The following STK3 variants were observed in gnomAD, a reference collection of about 807,000 sequenced individuals.
STK3 encodes the protein serine/threonine kinase 3, also known as serine/threonine-protein kinase 3.
A neutral mutation model predicts 58.0 loss-of-function variants in STK3; 41 were observed. That is an observed-to-expected ratio of 0.71 (90% CI 0.55 to 0.92). The LOEUF is 0.92. STK3 is among the 40% of genes least tolerant of loss of function. STK3 has a pLI of 0.00. For synonymous variants in STK3, 170 were observed against 191.0 expected, an observed-to-expected ratio of 0.89 and a Z score of 0.91; for missense variants, 479 against 602.7, an observed-to-expected ratio of 0.79 and a Z score of 2.15.
At chr8:98,499,630 T>C (rs1823416355) in intron 10 of STK3, among the ~76,000 whole-genome samples, 1 of 152,156 alleles carries the variant, frequency 6.6e-6, no homozygotes. Flanking sequence ...ACATATATCA[T>C]CATAAGCAGA....
intron 10 of STK3, among the ~76,000 whole-genome samples, chr8:98,517,946 G>C (rs1369297067): frequency 2.0e-5 from 3 of 152,046 alleles, no homozygotes; most frequent in Non-Finnish European, 4.4e-5. Flanking sequence ...AACTTCCTTA[G>C]ACATCAACAT....
At chr8:98,675,282 T>C (rs1415176106) in intron 6 of STK3, among the ~76,000 whole-genome samples, 1 of 152,228 alleles carries the variant, frequency 6.6e-6, no homozygotes, top group Admixed American at 6.5e-5. Context: ...ATTAAAAATA[T>C]ACATGTTATC....
intron 3 of STK3, among the ~76,000 whole-genome samples, chr8:98,766,659 C>G (rs981472567): frequency 6.6e-6 from 1 of 152,170 alleles, no homozygotes; most frequent in Admixed American, 6.5e-5. Flanking sequence ...CCTTTACCCT[C>G]GATGCTCTGG....
intron 10 of STK3, among the ~76,000 whole-genome samples, chr8:98,464,883 G>T (rs1820344597): frequency 6.6e-6 from 1 of 152,074 alleles, no homozygotes; most frequent in Admixed American, 6.6e-5. Context: ...TATTTATCCT[G>T]TTCTGAGCTG....
intron 10 of STK3, among the ~76,000 whole-genome samples, chr8:98,492,722 A>T (rs1301210388): frequency 6.6e-6 from 1 of 152,042 alleles, no homozygotes; most frequent in Non-Finnish European, 1.5e-5. Flanking sequence ...AGAGGGGAGT[A>T]ATTATCAGGT....
intron 1 of STK3, among the ~76,000 whole-genome samples, chr8:98,821,138 G>T: frequency 6.6e-6 from 1 of 152,158 alleles, no homozygotes. Context: ...CACAGCAGGA[G>T]GTGAGCTATA....
intron 1 of STK3, among the ~76,000 whole-genome samples, chr8:98,887,303 C>G (rs540820303): frequency 1.3e-5 from 2 of 152,160 alleles, no homozygotes; most frequent in East Asian, 3.9e-4. Context: ...AAAGAAAATA[C>G]TCATTGAATC....
intron 4 of STK3, among the ~76,000 whole-genome samples, chr8:98,738,620 T>C (rs894901416): frequency 1.1e-4 from 16 of 152,294 alleles, no homozygotes; most frequent in African/African-American, 3.8e-4. Flanking sequence ...CCAAGATGGC[T>C]GAATAGGAAC....
At chr8:98,782,504 G>T in intron 1 of STK3, 1 of 294,560 alleles carries the variant, frequency 3.4e-6, no homozygotes, top group Admixed American at 3.9e-5. Context: ...GATGCTCCTG[G>T]CTGACCAGGC....
intron 6 of STK3, among the ~76,000 whole-genome samples, chr8:98,614,867 G>C (rs188829894): frequency 6.6e-6 from 1 of 152,150 alleles, no homozygotes; most frequent in African/African-American, 2.4e-5. Context: ...ACTGCAAGGC[G>C]GCAGCTAGGC....
chr8:98,590,069 C>T (rs949625647), intron 7 of STK3, among the ~76,000 whole-genome samples: 8 of 152,242 alleles, frequency 5.3e-5, no homozygotes, highest in Non-Finnish European at 1.2e-4. Flanking sequence ...CTGCGGCGCT[C>T]ATGCTGGGAG....
intron 3 of STK3, among the ~76,000 whole-genome samples, chr8:98,418,995 C>T (rs1381663750): frequency 1.3e-5 from 2 of 152,228 alleles, no homozygotes; most frequent in Admixed American, 1.3e-4. Context: ...TGTGCTGGGA[C>T]TGCAGCATCC....
chr8:98,481,772 C>T (rs779583667), intron 10 of STK3, among the ~76,000 whole-genome samples: 5 of 149,886 alleles, frequency 3.3e-5, no homozygotes, highest in African/African-American at 4.9e-5. Context: ...AATCTCAAGA[C>T]ACGACTTTTT....
intron 6 of STK3, among the ~76,000 whole-genome samples, chr8:98,650,644 T>C (rs1004615345): frequency 1.3e-5 from 2 of 152,224 alleles, no homozygotes; most frequent in Non-Finnish European, 2.9e-5. Context: ...CCTAATACTG[T>C]GCTTTTCCGA....
chr8:98,932,549 T>C (rs757878653), intron 1 of STK3, among the ~76,000 whole-genome samples: 29 of 152,318 alleles, frequency 1.9e-4, no homozygotes, highest in Non-Finnish European at 3.4e-4. Context: ...GTTTAATGAA[T>C]CAGAGGAAAG....
chr8:98,481,929 T>C (rs1821887436), intron 10 of STK3, among the ~76,000 whole-genome samples: 1 of 152,198 alleles, frequency 6.6e-6, no homozygotes, highest in Non-Finnish European at 1.5e-5. Context: ...AATTTAGTCA[T>C]TGAAGTGTAA....
At chr8:98,478,887 C>T (rs1281848507) in intron 10 of STK3, among the ~76,000 whole-genome samples, 4 of 152,166 alleles carry the variant, frequency 2.6e-5, no homozygotes, top group Non-Finnish European at 4.4e-5. Context: ...CTCTTATACA[C>T]TATATTTACG....
At chr8:98,894,840 C>G (rs1008702825) in intron 1 of STK3, among the ~76,000 whole-genome samples, 1 of 152,144 alleles carries the variant, frequency 6.6e-6, no homozygotes, top group African/African-American at 2.4e-5. Flanking sequence ...AGGTCTTTGA[C>G]TTCTTTGTTC....
intron 7 of STK3, among the ~76,000 whole-genome samples, chr8:98,585,128 T>C (rs1814396816): frequency 6.6e-6 from 1 of 151,798 alleles, no homozygotes; most frequent in South Asian, 2.1e-4. Context: ...TTTTGGCTTT[T>C]GTTGCCATTG....
Sources: gnomAD v4.1 joint callset for allele counts (sites outside exome capture counted in the v4.1 genomes callset) on GRCh38, gnomAD v4.1.1 for gene constraint, MANE v1.5 for transcripts, NCBI Gene and HGNC (gene_info 2026-07-23, HGNC 2026-07-21) for gene names.